CSMD1: variants seen among roughly 807,000 people sequenced by gnomAD.
CSMD1 encodes CUB and sushi domain-containing protein 1.
A neutral mutation model predicts 417.5 loss-of-function variants in CSMD1; 213 were observed. The ratio of observed to expected loss-of-function variants is 0.51; its 90% CI spans 0.46 to 0.57. CSMD1 has a LOEUF of 0.57. Ranked by LOEUF, CSMD1 falls within the 20% of genes least tolerant of loss-of-function variation. CSMD1 has a pLI of 0.00. For missense variants in CSMD1, 6,923 were observed against 4,529.7 expected, an observed-to-expected ratio of 1.53 and a Z score of -15.17; for synonymous variants, 2,862 against 1,736.8, an observed-to-expected ratio of 1.65 and a Z score of -16.11.
intron 12 of CSMD1, among the ~76,000 whole-genome samples, chr8:3,453,249 C>G (rs1169017843): frequency 1.3e-5 from 2 of 151,906 alleles, no homozygotes; most frequent in African/African-American, 4.8e-5. Context: ...TTTTGTTGAT[C>G]TTTTCAAAAA....
chr8:3,197,723 C>G (rs1326414424), intron 33 of CSMD1, among the ~76,000 whole-genome samples: 3 of 152,112 alleles, frequency 2.0e-5, no homozygotes, highest in African/African-American at 4.8e-5. Flanking sequence ...CTCGGCCTCC[C>G]AAAGTGCTGG....
chr8:3,427,835 G>C (rs572923328), intron 12 of CSMD1, among the ~76,000 whole-genome samples: 1 of 152,344 alleles, frequency 6.6e-6, no homozygotes, highest in South Asian at 2.1e-4. Flanking sequence ...GCTTCCAGCA[G>C]AGGAGGCGTA....
At chr8:4,669,760 G>A (rs866993256) in intron 1 of CSMD1, among the ~76,000 whole-genome samples, 2 of 152,000 alleles carry the variant, frequency 1.3e-5, no homozygotes, top group Non-Finnish European at 2.9e-5. Flanking sequence ...AGGGTCAGAG[G>A]TAGGGGGTAC....
At chr8:4,433,746 T>G (rs552650290) in intron 2 of CSMD1, among the ~76,000 whole-genome samples, 1 of 152,328 alleles carries the variant, frequency 6.6e-6, no homozygotes, top group East Asian at 1.9e-4. Flanking sequence ...ATTTATTTCC[T>G]ACACCTTTAT....
At chr8:3,439,497 G>GTGTA (rs1554552865) in intron 12 of CSMD1, among the ~76,000 whole-genome samples, 2 of 148,790 alleles carry the variant, frequency 1.3e-5, no homozygotes, top group Admixed American at 6.8e-5. Context: ...GTGTATCTGT[G>GTGTA]TGTGTGTGTC....
intron 2 of CSMD1, among the ~76,000 whole-genome samples, chr8:4,636,772 T>C (rs907351233): frequency 6.6e-6 from 1 of 152,220 alleles, no homozygotes; most frequent in East Asian, 1.9e-4. Context: ...AAGTTTTCTG[T>C]ATAGTAACTG....
intron 1 of CSMD1, among the ~76,000 whole-genome samples, chr8:4,786,247 T>A (rs1002121620): frequency 6.6e-6 from 1 of 152,184 alleles, no homozygotes; most frequent in Non-Finnish European, 1.5e-5. Flanking sequence ...TTAAAAAATA[T>A]CCATTTAGGA....
chr8:3,080,524 T>G (rs1451905097), intron 49 of CSMD1, among the ~76,000 whole-genome samples: 1 of 152,134 alleles, frequency 6.6e-6, no homozygotes, highest in East Asian at 1.9e-4. Context: ...CACAGACAAT[T>G]GGTAGCGAAA....
chr8:4,923,557 C>G (rs1201559215), intron 1 of CSMD1, among the ~76,000 whole-genome samples: 1 of 151,786 alleles, frequency 6.6e-6, no homozygotes, highest in Non-Finnish European at 1.5e-5. Context: ...GCCCACATAA[C>G]TTAAAAATAA....
intron 5 of CSMD1, among the ~76,000 whole-genome samples, chr8:3,969,070 G>A (rs1380640163): frequency 6.6e-6 from 1 of 152,120 alleles, no homozygotes; most frequent in African/African-American, 2.4e-5. Context: ...GGACAACATG[G>A]TGCAAGCACA....
intron 3 of CSMD1, among the ~76,000 whole-genome samples, chr8:4,388,931 T>TG (rs1207492950): frequency 1.3e-5 from 2 of 152,180 alleles, no homozygotes; most frequent in Admixed American, 1.3e-4. Context: ...ACTAATGCTT[T>TG]GAAAACCTGT....
intron 3 of CSMD1, among the ~76,000 whole-genome samples, chr8:4,212,390 G>A (rs1800366851): frequency 6.6e-6 from 1 of 152,062 alleles, no homozygotes; most frequent in African/African-American, 2.4e-5. Flanking sequence ...TCACTAAGAT[G>A]AAAGCCATAC....
intron 26 of CSMD1, among the ~76,000 whole-genome samples, chr8:3,240,813 C>T (rs1397816003): frequency 6.6e-6 from 1 of 152,114 alleles, no homozygotes; most frequent in Non-Finnish European, 1.5e-5. Context: ...GGCGCAGATC[C>T]TGAACTAACC....
intron 1 of CSMD1, among the ~76,000 whole-genome samples, chr8:4,962,238 A>T: frequency 6.6e-6 from 1 of 150,982 alleles, no homozygotes. Flanking sequence ...GGAGACAGAG[A>T]CTCACTCTGT....
chr8:4,296,765 TA>T (rs1353017753), intron 3 of CSMD1, among the ~76,000 whole-genome samples: 1 of 149,468 alleles, frequency 6.7e-6, no homozygotes, highest in African/African-American at 2.5e-5. Context: ...TAATGATTTC[TA>T]AATAATAGCT....
chr8:4,385,051 C>A (rs984211802), intron 3 of CSMD1, among the ~76,000 whole-genome samples: 1 of 152,118 alleles, frequency 6.6e-6, no homozygotes, highest in Non-Finnish European at 1.5e-5. Flanking sequence ...CTCAGCCTCC[C>A]GAAGAGCTGT....
chr8:4,944,246 G>A (rs982645768), intron 1 of CSMD1, among the ~76,000 whole-genome samples: 4 of 152,126 alleles, frequency 2.6e-5, no homozygotes, highest in African/African-American at 4.8e-5. Context: ...AAAGTAGAGC[G>A]ACCTCAACAG....
chr8:2,937,052 A>G lies in CSMD1; in HGVS notation c.*1533T>C, dbSNP rs1801533051. 1.3e-5 allele frequency: 2 copies of G among 151,980 alleles called. No homozygotes were observed. The highest frequency in any genetic ancestry group is 1.3e-4 in the Admixed American group (2 of 15,278). 9.4% of individuals were successfully genotyped at this position (151,980 alleles called of 1,614,324 possible). A position where few individuals can be genotyped will look rare whatever the true frequency, so the allele number is the denominator to read the frequency against. On this transcript the variant is annotated 3_prime_UTR_variant, in exon 70 of 70. Transcript: ENST00000635120. ...TCAAAAATATTTTTATCAAATAAGTATAAGTAAAAGTAAACATGATTTTCA... is the reference window on the plus strand; with the variant it reads ...TCAAAAATATTTTTATCAAATAAGTGTAAGTAAAAGTAAACATGATTTTCA...
intron 5 of CSMD1, among the ~76,000 whole-genome samples, chr8:3,885,284 T>G (rs1169871917): frequency 1.3e-5 from 2 of 152,128 alleles, no homozygotes; most frequent in Non-Finnish European, 2.9e-5. Flanking sequence ...GTGTGAGTTA[T>G]AGAATCAATC....
Sources: gnomAD v4.1 joint callset for allele counts (sites outside exome capture counted in the v4.1 genomes callset) on GRCh38, gnomAD v4.1.1 for gene constraint, MANE v1.5 for transcripts, NCBI Gene and HGNC (gene_info 2026-07-23, HGNC 2026-07-21) for gene names.